TRIP12: variants seen among roughly 807,000 people sequenced by gnomAD.
TRIP12 encodes the protein E3 ubiquitin-protein ligase TRIP12.
TRIP12 carries 25 observed loss-of-function variants against 244.2 expected under a neutral mutation model. That is an observed-to-expected ratio of 0.10 (90% CI 0.07 to 0.14). TRIP12 has a LOEUF of 0.14. TRIP12 is among the 10% of genes least tolerant of loss of function. TRIP12 has a pLI of 1.00. For missense variants in TRIP12, 1,677 were observed against 2,486.4 expected (o/e 0.67, Z 6.92); for synonymous variants, 905 against 873.1 (o/e 1.04, Z -0.64).
chr2:229,919,782 T>C (rs2076155930), intron 1 of TRIP12, among the ~76,000 whole-genome samples: 1 of 152,178 alleles, frequency 6.6e-6, no homozygotes, highest in Non-Finnish European at 1.5e-5. Context: ...GGCACATTCA[T>C]AGAAAGGCAG....
At chr2:229,887,090 A>T (rs1312556847) in intron 1 of TRIP12, among the ~76,000 whole-genome samples, 1 of 152,252 alleles carries the variant, frequency 6.6e-6, no homozygotes, top group Non-Finnish European at 1.5e-5. Flanking sequence ...ACCTTAAAAA[A>T]AATCAAAATA....
At position 229,921,862 on chromosome 2, in the gene TRIP12, G is replaced by C. The variant is rs2076659368; in HGVS notation, c.-50+18C>G. 1.3e-5 allele frequency: 1 copy of C among 79,970 alleles called. No individual in the cohort carries two copies. Among genetic ancestry groups the C allele is most frequent in the African/African-American group, 5.0e-5 (1 of 19,966 alleles). The allele number at this position is 79,970 out of a possible 1,614,324, so 5.0% of individuals were successfully genotyped here. A position where few individuals can be genotyped will look rare whatever the true frequency, so the allele number is the denominator to read the frequency against. ...CCCCAAGGCTTGCCCCCGCCGCCCA[G>C]AGCTGCGCCCCAATTACCTAGTTAG... On this transcript the variant is annotated intron_variant, in intron 1 of 41. Coordinates refer to ENST00000675903, the MANE Select transcript of TRIP12 (RefSeq NM_001348323.3).
chr2:229,897,950 G>A (rs1241936652), intron 1 of TRIP12, among the ~76,000 whole-genome samples: 1 of 152,062 alleles, frequency 6.6e-6, no homozygotes, highest in Non-Finnish European at 1.5e-5. Flanking sequence ...AACCTATGAT[G>A]GACCAATGAG....
At chr2:229,825,914 T>C (rs1024172574) in intron 8 of TRIP12, among the ~76,000 whole-genome samples, 4 of 152,176 alleles carry the variant, frequency 2.6e-5, no homozygotes, top group Non-Finnish European at 4.4e-5. Flanking sequence ...ACAATTCAAG[T>C]ATCAGTGAAA....
intron 9 of TRIP12, among the ~76,000 whole-genome samples, chr2:229,817,797 G>A (rs757760730): frequency 1.3e-5 from 2 of 152,084 alleles, no homozygotes; most frequent in Non-Finnish European, 2.9e-5. Context: ...GTTTCACCAT[G>A]TTGGCCAGCC....
chr2:229,814,412 TC>T (rs1361520633), intron 11 of TRIP12, 87 bp from the exon 12 acceptor site: 2 of 1,312,396 alleles, frequency 1.5e-6, no homozygotes, highest in Non-Finnish European at 1.1e-6. Context: ...CTAATTTACA[TC>T]CATGTATACT....
intron 7 of TRIP12, 86 bp downstream of exon 7, chr2:229,830,670 A>T: frequency 7.2e-7 from 1 of 1,382,006 alleles, no homozygotes; most frequent in Non-Finnish European, 1.0e-6. Context: ...GGTCAAATGA[A>T]TTTAACTAAA....
At chr2:229,812,214 C>G (rs1423679716) in intron 13 of TRIP12, among the ~76,000 whole-genome samples, 1 of 152,084 alleles carries the variant, frequency 6.6e-6, no homozygotes, top group Non-Finnish European at 1.5e-5. Context: ...CCTCAGCCTC[C>G]TGAGTAGCTG....
At chr2:229,818,661 T>C (rs1559617731) in intron 8 of TRIP12, 149 bp from the exon 9 acceptor site, 1 of 676,112 alleles carries the variant, frequency 1.5e-6, no homozygotes. Flanking sequence ...TCACTGCTAA[T>C]ACATTGAAGG....
Position 229,767,422 on chromosome 2 carries a change from A to G in TRIP12, c.*132T>C, listed in dbSNP as rs2032135165. 1 of 1,090,356 alleles carries G rather than the reference A, an allele frequency of 9.2e-7. No individual in the cohort carries two copies. The highest frequency in any genetic ancestry group is 1.3e-6 in the Non-Finnish European group (1 of 795,194). The allele number at this position is 1,090,356 out of a possible 1,614,324, so 67.5% of individuals were successfully genotyped here. Reference sequence around the variant, plus strand: ...ATGAATATCAACCAAATGTCTCTTTATAATCTGCAAGCCGTTTTTCCTACA... The same window carrying G: ...ATGAATATCAACCAAATGTCTCTTTGTAATCTGCAAGCCGTTTTTCCTACA... On this transcript the variant is annotated 3_prime_UTR_variant, in exon 42 of 42. Transcript: ENST00000675903.
intron 2 of TRIP12, among the ~76,000 whole-genome samples, chr2:229,873,168 G>T (rs193175606): frequency 1.3e-5 from 2 of 152,036 alleles, no homozygotes; most frequent in African/African-American, 4.8e-5. Context: ...CAAATTAGCA[G>T]AAAAATGCAA....
At chr2:229,891,201 A>G (rs771928638) in intron 1 of TRIP12, among the ~76,000 whole-genome samples, 6 of 152,016 alleles carry the variant, frequency 3.9e-5, no homozygotes, top group Non-Finnish European at 8.8e-5. Flanking sequence ...CGGTAGGATC[A>G]CTTGATCTCA....
chr2:229,806,420 C>G (rs1182122436), intron 17 of TRIP12, among the ~76,000 whole-genome samples: 1 of 152,194 alleles, frequency 6.6e-6, no homozygotes, highest in Non-Finnish European at 1.5e-5. Context: ...GTATACAGAA[C>G]ATATTTAAAT....
chr2:229,822,555 T>G (rs943416275), intron 8 of TRIP12, among the ~76,000 whole-genome samples: 6 of 152,188 alleles, frequency 3.9e-5, no homozygotes, highest in African/African-American at 1.4e-4. Context: ...CAAGTCCTGA[T>G]TAAAGTTAGA....
At chr2:229,839,258 G>A (rs1459186107) in intron 5 of TRIP12, among the ~76,000 whole-genome samples, 1 of 152,206 alleles carries the variant, frequency 6.6e-6, no homozygotes, top group African/African-American at 2.4e-5. Context: ...AGGAGCAACA[G>A]GCTACCACAC....
At chr2:229,820,756 T>G (rs1395806411) in intron 8 of TRIP12, among the ~76,000 whole-genome samples, 1 of 152,126 alleles carries the variant, frequency 6.6e-6, no homozygotes, top group African/African-American at 2.4e-5. Flanking sequence ...ACGTGGCTAA[T>G]TTTTCTGTAT....
intron 2 of TRIP12, among the ~76,000 whole-genome samples, chr2:229,872,259 A>G (rs898339899): frequency 2.6e-5 from 4 of 151,930 alleles, no homozygotes; most frequent in African/African-American, 2.4e-5. Flanking sequence ...CGAGACCCCC[A>G]TCTCTCTTTT....
Position 229,892,044 on chromosome 2 carries a change from TTCC to T in TRIP12, c.-49-11919_-49-11917del, listed in dbSNP as rs1420691988. ...TCATAGACAGAACATTGTTAATTCA[TTCC>T]TTCAGCAAATATTTGAAGGCCTATT... On this transcript the variant is annotated intron_variant, in intron 1 of 41. Coordinates refer to ENST00000675903, the MANE Select transcript of TRIP12 (RefSeq NM_001348323.3). Among the ~76,000 whole-genome samples, 6 of 152,362 alleles carry T rather than the reference TTCC, an allele frequency of 3.9e-5. No homozygotes were observed. In the Middle Eastern group the frequency reaches 0.014, roughly 345 times the overall value.
chr2:229,877,836 G>A (rs2063913474), intron 2 of TRIP12, among the ~76,000 whole-genome samples: 1 of 152,146 alleles, frequency 6.6e-6, no homozygotes, highest in Non-Finnish European at 1.5e-5. Context: ...GTGGAATTAT[G>A]TTTTTCTTTT....
Sources: allele counts gnomAD v4.1 joint callset (sites outside exome capture counted in the v4.1 genomes callset), GRCh38; gene constraint gnomAD v4.1.1; transcripts MANE v1.5; gene names NCBI Gene and HGNC (gene_info 2026-07-23, HGNC 2026-07-21).